SPAG17: variants seen among roughly 807,000 people sequenced by gnomAD.
SPAG17 encodes sperm-associated antigen 17.
Under a neutral mutation model 273.6 loss-of-function variants are expected in SPAG17, and 169 were observed. That is an observed-to-expected ratio of 0.62 (90% CI 0.55 to 0.70). The LOEUF (loss-of-function observed/expected upper bound fraction) is 0.70, where lower values mean the gene tolerates loss of function less well. SPAG17 is among the 30% of genes least tolerant of loss of function. SPAG17 has a pLI of 0.00. For missense variants in SPAG17, 2,557 were observed against 2,627.8 expected (o/e 0.97, Z 0.59); for synonymous variants, 825 against 873.2 (o/e 0.94, Z 0.97).
At chr1:118,064,773 A>C in intron 18 of SPAG17, among the ~76,000 whole-genome samples, 1 of 151,384 alleles carries the variant, frequency 6.6e-6, no homozygotes, top group Non-Finnish European at 1.5e-5. Context: ...ATAAAATAAA[A>C]AAAGAAAGAT....
rs576771168 is a variant in SPAG17, at chr1:117,992,135, A to G, written c.5361+331T>C. On this transcript the variant is annotated intron_variant, in intron 36 of 48. Coordinates refer to ENST00000336338, the MANE Select transcript of SPAG17 (RefSeq NM_206996.4). Reference sequence around the variant, plus strand: ...GCTTCCAAAGGCTTTTACTCTGTGGACAAATATATTAATATGTAGTTCTGT... The same window carrying G: ...GCTTCCAAAGGCTTTTACTCTGTGGGCAAATATATTAATATGTAGTTCTGT... Among the ~76,000 whole-genome samples the G allele has an allele frequency of 3.3e-5, 5 of 152,312 alleles. No homozygotes were observed. In the East Asian group the frequency reaches 9.7e-4, roughly 29 times the overall value.
chr1:117,971,107 G>A (rs1240371987), intron 45 of SPAG17, among the ~76,000 whole-genome samples: 1 of 151,964 alleles, frequency 6.6e-6, no homozygotes, highest in East Asian at 1.9e-4. Context: ...CATTCTTGAA[G>A]GACTTACCAC....
intron 42 of SPAG17, 31 bp from the exon 43 acceptor site, chr1:117,981,432 G>A (rs1655791457): frequency 6.4e-7 from 1 of 1,573,492 alleles, no homozygotes. Flanking sequence ...CTTATAAAGT[G>A]ATATTTTGTA....
intron 43 of SPAG17, among the ~76,000 whole-genome samples, chr1:117,976,638 C>G (rs1329686088): frequency 2.0e-5 from 3 of 152,166 alleles, no homozygotes; most frequent in Admixed American, 6.5e-5. Flanking sequence ...TTGGCTCCCA[C>G]AGTGTGGCAT....
chr1:117,974,984 G>A (rs570705314), intron 43 of SPAG17, among the ~76,000 whole-genome samples: 57 of 152,226 alleles, frequency 3.7e-4, no homozygotes, highest in Admixed American at 7.2e-4. Flanking sequence ...GTGCCAGGAC[G>A]TCCCTGGTCC....
At chr1:118,160,471 T>C (rs1228610818) in intron 1 of SPAG17, among the ~76,000 whole-genome samples, 3 of 152,248 alleles carry the variant, frequency 2.0e-5, no homozygotes, top group East Asian at 3.8e-4. Context: ...CCAATACTCA[T>C]TCTCATGAGC....
At chr1:118,153,264 T>G (rs1403702015) in intron 1 of SPAG17, among the ~76,000 whole-genome samples, 1 of 152,180 alleles carries the variant, frequency 6.6e-6, no homozygotes, top group African/African-American at 2.4e-5. Context: ...GTTATCTCAT[T>G]GAATCCCTAA....
chr1:117,970,210 T>C, intron 45 of SPAG17, 94 bp from the exon 46 acceptor site: 8 of 1,267,320 alleles, frequency 6.3e-6, no homozygotes, highest in Non-Finnish European at 8.8e-6. Context: ...AAGGTGTTAA[T>C]ATTTGCTACA....
intron 1 of SPAG17, among the ~76,000 whole-genome samples, chr1:118,153,291 G>A (rs1558050210): frequency 1.3e-5 from 2 of 152,098 alleles, no homozygotes; most frequent in Non-Finnish European, 2.9e-5. Flanking sequence ...CTACAAGATA[G>A]GTTCACTATT....
At chr1:118,094,769 C>T (rs557676379) in intron 7 of SPAG17, among the ~76,000 whole-genome samples, 1 of 152,298 alleles carries the variant, frequency 6.6e-6, no homozygotes, top group South Asian at 2.1e-4. Flanking sequence ...AAGACTTTCC[C>T]TCCCCATCAT....
intron 40 of SPAG17, among the ~76,000 whole-genome samples, chr1:117,987,456 T>C (rs765434289): frequency 1.7e-4 from 26 of 152,222 alleles, no homozygotes; most frequent in Non-Finnish European, 2.9e-4. Context: ...AATCCCCAGC[T>C]AGGACTAAAA....
chr1:118,144,051 T>C (rs1448703168), intron 3 of SPAG17, among the ~76,000 whole-genome samples: 1 of 152,252 alleles, frequency 6.6e-6, no homozygotes, highest in Non-Finnish European at 1.5e-5. Context: ...ATTTGCCACA[T>C]GGGCTTGGCC....
At chr1:117,990,780 G>C (rs1656985450) in intron 38 of SPAG17, 81 bp downstream of exon 38, 1 of 882,850 alleles carries the variant, frequency 1.1e-6, no homozygotes, top group Non-Finnish European at 1.8e-6. Context: ...TATCAGATAA[G>C]AGAATGACCG....
chr1:118,166,486 A>G (rs1660176510), intron 1 of SPAG17, among the ~76,000 whole-genome samples: 1 of 152,192 alleles, frequency 6.6e-6, no homozygotes, highest in African/African-American at 2.4e-5. Flanking sequence ...TTATTTAACT[A>G]TTTGTATACA....
chr1:118,085,818 T>C, intron 13 of SPAG17, 104 bp downstream of exon 13: 1 of 1,191,928 alleles, frequency 8.4e-7, no homozygotes, highest in Non-Finnish European at 1.2e-6. Flanking sequence ...CTGAAAGGTC[T>C]TTCAATAATG....
chr1:118,178,947 T>C (rs1016152825), intron 1 of SPAG17, among the ~76,000 whole-genome samples: 4 of 151,888 alleles, frequency 2.6e-5, no homozygotes, highest in African/African-American at 7.2e-5. Flanking sequence ...TGTAAGAGAT[T>C]GAAGAGGATA....
intron 4 of SPAG17, among the ~76,000 whole-genome samples, chr1:118,110,663 T>C (rs115139245): frequency 0.012 from 1,853 of 152,292 alleles, 23 homozygotes; most frequent in Non-Finnish European, 0.019. Flanking sequence ...GTGAGTTTTG[T>C]TCCTTCCCTT....
rs756710818 is a variant in SPAG17 at position 117,996,515 on chromosome 1, A to G, written c.4923-15T>C. ...TAACAAAAAACCTATTTGAAGAAATAAAAATATAATCACTTCAAGTATTCC... is the reference window on the plus strand; with the variant it reads ...TAACAAAAAACCTATTTGAAGAAATGAAAATATAATCACTTCAAGTATTCC... On this transcript the variant is annotated splice_polypyrimidine_tract_variant and intron_variant, in intron 33 of 48. Coordinates refer to ENST00000336338, the MANE Select transcript of SPAG17 (RefSeq NM_206996.4). 6.2e-7 allele frequency: 1 copy of G among 1,608,114 alleles called. No homozygotes were observed. The highest frequency in any genetic ancestry group is 8.5e-7 in the Non-Finnish European group (1 of 1,177,934).
intron 1 of SPAG17, among the ~76,000 whole-genome samples, chr1:118,179,340 G>T (rs1406641367): frequency 1.3e-5 from 2 of 151,942 alleles, no homozygotes; most frequent in Non-Finnish European, 2.9e-5. Flanking sequence ...GGAAAGGACA[G>T]TCTCTTCAAT....
Sources: allele counts gnomAD v4.1 joint callset (sites outside exome capture counted in the v4.1 genomes callset), GRCh38; gene constraint gnomAD v4.1.1; transcripts MANE v1.5; gene names NCBI Gene and HGNC (gene_info 2026-07-23, HGNC 2026-07-21).